Variants in RGS6 observed in about 807,000 individuals in gnomAD.
RGS6 encodes regulator of G-protein signaling 6.
In RGS6, 30 loss-of-function variants were observed where a neutral mutation model predicts 78.5. The observed-to-expected ratio is 0.38, with a 90% CI of 0.29 to 0.52. RGS6 has a LOEUF of 0.52. Ranked by LOEUF, RGS6 falls within the 20% of genes least tolerant of loss-of-function variation. The pLI is 0.85. For missense variants in RGS6, 495 were observed against 609.7 expected (o/e 0.81, Z 1.98); for synonymous variants, 206 against 206.0 (o/e 1.00, Z 0.00).
intron 17 of RGS6, among the ~76,000 whole-genome samples, chr14:72,546,030 A>C (rs997247015): frequency 6.6e-6 from 1 of 152,116 alleles, no homozygotes; most frequent in Non-Finnish European, 1.5e-5. Context: ...GAAGGAATGA[A>C]ATGTGAGCAC....
chr14:72,218,675 G>T (rs1387329928), intron 2 of RGS6, among the ~76,000 whole-genome samples: 1 of 152,000 alleles, frequency 6.6e-6, no homozygotes, highest in African/African-American at 2.4e-5. Flanking sequence ...GCAGTGGCAC[G>T]ATCTTAGCTC....
At chr14:72,626,621 G>C in the RGS6 span, among the ~76,000 whole-genome samples, 1 of 152,076 alleles carries the variant, frequency 6.6e-6, no homozygotes, top group Non-Finnish European at 1.5e-5. Context: ...ATATTCTGTA[G>C]TAATGAACAA....
rs1042211371 is a variant in RGS6 at position 72,495,199 on chromosome 14, C to T, written c.902C>T (p.Thr301Ile). 3 of 1,613,672 alleles carry T rather than the reference C, an allele frequency of 1.9e-6. No homozygotes were observed. Among genetic ancestry groups the T allele is most frequent in the South Asian group, 1.1e-5 (1 of 91,074 alleles). The change falls in exon 13 of 18, where the codon ACA becomes ATA. Residue 301 changes from threonine to isoleucine, a missense_variant. Transcript: ENST00000553525. ...TATGTGGAATATGACCCTTTGATAA[C>T]ACCAGCTGAGCCATCCAACCCTTGG... Reference protein sequence around the residue: ...EQYVEYDPLITPAEPSNPWIS... With the variant: ...EQYVEYDPLIIPAEPSNPWIS...
intron 3 of RGS6, among the ~76,000 whole-genome samples, chr14:72,368,148 C>A (rs1285067378): frequency 6.6e-6 from 1 of 152,080 alleles, no homozygotes; most frequent in Non-Finnish European, 1.5e-5. Context: ...AAGCATGGTG[C>A]CAGCATCTAA....
the RGS6 span, among the ~76,000 whole-genome samples, chr14:72,620,913 C>T: frequency 2.0e-5 from 3 of 152,146 alleles, no homozygotes; most frequent in South Asian, 2.1e-4. Context: ...GGCCAAGGCG[C>T]GTGGTTCACT....
At chr14:72,577,395 A>C in the RGS6 span, among the ~76,000 whole-genome samples, 2 of 152,198 alleles carry the variant, frequency 1.3e-5, no homozygotes, top group Non-Finnish European at 2.9e-5. Flanking sequence ...AGGGTTCCGC[A>C]TTCCTGCAGC....
chr14:72,180,893 T>C (rs1006457980), intron 2 of RGS6, among the ~76,000 whole-genome samples: 1 of 152,250 alleles, frequency 6.6e-6, no homozygotes, highest in Non-Finnish European at 1.5e-5. Flanking sequence ...GCCTGTGCCA[T>C]GCTCTTGGAC....
chr14:72,547,284 G>C, intron 17 of RGS6: 6 of 1,535,656 alleles, frequency 3.9e-6, no homozygotes, highest in African/African-American at 1.4e-5. Flanking sequence ...AAGGAGAGGA[G>C]ACCCAACTCT....
At chr14:71,887,772 C>T in the RGS6 span, among the ~76,000 whole-genome samples, 658 of 152,238 alleles carry the variant, frequency 4.3e-3, 8 homozygotes, top group African/African-American at 0.014. Context: ...TCTGTTTTTG[C>T]CCTTTGCCTT....
intron 2 of RGS6, among the ~76,000 whole-genome samples, chr14:72,076,952 T>TA (rs1567157548): frequency 7.6e-5 from 11 of 145,492 alleles, no homozygotes; most frequent in African/African-American, 2.5e-4. Context: ...CAGCCAAATT[T>TA]TATATATATA....
chr14:72,035,725 A>G (rs2091599735), intron 2 of RGS6, among the ~76,000 whole-genome samples: 1 of 152,172 alleles, frequency 6.6e-6, no homozygotes, highest in Admixed American at 6.6e-5. Flanking sequence ...GGGTCACAGT[A>G]GCATTTGTGC....
In RGS6 at chr14:72,415,267, C is replaced by T. The variant is rs28510160; in HGVS notation, c.185-39261C>T. Among the ~76,000 whole-genome samples, 931 of 152,334 alleles carry T rather than the reference C, an allele frequency of 6.1e-3. 6 individuals are homozygous for T. The highest frequency in any genetic ancestry group is 0.018 in the African/African-American group (762 of 41,562). On this transcript the variant is annotated intron_variant, in intron 3 of 17. Transcript: ENST00000553525. Reference sequence around the variant, plus strand: ...GGTGCCCCTCCTCCAGCCTCACTGCCGCCTTGCAGTTTGATCTCAGACTGC... The same window carrying T: ...GGTGCCCCTCCTCCAGCCTCACTGCTGCCTTGCAGTTTGATCTCAGACTGC...
At chr14:72,433,890 G>T (rs1383432978) in intron 3 of RGS6, among the ~76,000 whole-genome samples, 1 of 152,246 alleles carries the variant, frequency 6.6e-6, no homozygotes. Context: ...GCGAATATGT[G>T]TAAACTGCTG....
intron 12 of RGS6, among the ~76,000 whole-genome samples, chr14:72,483,308 T>C (rs2096418993): frequency 6.6e-6 from 1 of 152,222 alleles, no homozygotes; most frequent in African/African-American, 2.4e-5. Flanking sequence ...AAATGTTTCA[T>C]TCCGTACCTG....
At chr14:72,085,975 C>G (rs1378353530) in intron 2 of RGS6, among the ~76,000 whole-genome samples, 1 of 151,818 alleles carries the variant, frequency 6.6e-6, no homozygotes, top group African/African-American at 2.4e-5. Context: ...AAGTTGCCTT[C>G]CCTGGACTTC....
At chr14:72,410,759 A>G (rs2093347923) in intron 3 of RGS6, among the ~76,000 whole-genome samples, 1 of 152,202 alleles carries the variant, frequency 6.6e-6, no homozygotes, top group South Asian at 2.1e-4. Flanking sequence ...GGTGTAAAGG[A>G]GGGATCCAGT....
chr14:71,874,478 T>G, the RGS6 span, among the ~76,000 whole-genome samples: 1 of 152,234 alleles, frequency 6.6e-6, no homozygotes, highest in East Asian at 1.9e-4. Context: ...CTTGTGATTT[T>G]TGCACATTGA....
At chr14:72,303,360 G>A (rs117023146) in intron 2 of RGS6, among the ~76,000 whole-genome samples, 5,664 of 152,282 alleles carry the variant, frequency 0.037, 148 homozygotes, top group Non-Finnish European at 0.06. Context: ...AATTAGCCAG[G>A]AGTGATGGCA....
In RGS6 at chr14:72,317,231, G is replaced by A. The variant is rs543900230; in HGVS notation, c.85-34864G>A. Reference sequence around the variant, plus strand: ...TCAGGCACAAAGTAAGCACTCAGTGGTATTGCTGCCAATAATAATAACAAT... The same window carrying A: ...TCAGGCACAAAGTAAGCACTCAGTGATATTGCTGCCAATAATAATAACAAT... On this transcript the variant is annotated intron_variant, in intron 2 of 17. Transcript: ENST00000553525. 1.8e-4 allele frequency among the ~76,000 whole-genome samples: 27 copies of A among 152,090 alleles called. 1 individual carries two copies. The highest frequency in any genetic ancestry group is 6.0e-4 in the African/African-American group (25 of 41,476).
Sources: allele counts gnomAD v4.1 joint callset (sites outside exome capture counted in the v4.1 genomes callset), GRCh38; gene constraint gnomAD v4.1.1; transcripts MANE v1.5; gene names NCBI Gene and HGNC (gene_info 2026-07-23, HGNC 2026-07-21).